Variants in TNN observed in about 807,000 individuals in gnomAD.
The protein encoded by TNN is tenascin N.
Under a neutral mutation model 134.4 loss-of-function variants are expected in TNN, and 122 were observed. That is an observed-to-expected ratio of 0.91 (90% CI 0.78 to 1.06). TNN has a LOEUF of 1.06. Ranked by LOEUF, TNN falls within the 50% of genes least tolerant of loss-of-function variation. TNN has a pLI of 0.00. For missense variants in TNN, 1,739 were observed against 1,699.4 expected, an observed-to-expected ratio of 1.02 and a Z score of -0.41; for synonymous variants, 710 against 670.3, an observed-to-expected ratio of 1.06 and a Z score of -0.91.
At chr1:175,130,838 G>A (rs970172074) in intron 15 of TNN, among the ~76,000 whole-genome samples, 2 of 152,038 alleles carry the variant, frequency 1.3e-5, no homozygotes, top group Non-Finnish European at 2.9e-5. Context: ...CACAGAGATC[G>A]GTTCCAAAAA....
chr1:175,106,798 G>T (rs1236069592), intron 9 of TNN, among the ~76,000 whole-genome samples: 1 of 145,694 alleles, frequency 6.9e-6, no homozygotes, highest in African/African-American at 2.5e-5. Flanking sequence ...CAGCCCAGAA[G>T]TACAGGAAAA....
intron 1 of TNN, among the ~76,000 whole-genome samples, chr1:175,075,292 A>T (rs1030451002): frequency 6.6e-6 from 1 of 151,806 alleles, no homozygotes; most frequent in African/African-American, 2.4e-5. Context: ...ATGCCTTTCA[A>T]CCTAGGCGTT....
At chr1:175,083,424 A>G (rs1162527854) in intron 4 of TNN, among the ~76,000 whole-genome samples, 1 of 152,128 alleles carries the variant, frequency 6.6e-6, no homozygotes, top group Non-Finnish European at 1.5e-5. Context: ...AGAGCTCTGG[A>G]CTGAGTGGTT....
At chr1:175,132,081 T>C (rs890652572) in intron 15 of TNN, among the ~76,000 whole-genome samples, 3 of 152,008 alleles carry the variant, frequency 2.0e-5, no homozygotes, top group Non-Finnish European at 4.4e-5. Flanking sequence ...GGTGGGAACG[T>C]GATTTGACAC....
At chr1:175,136,724 A>T in intron 16 of TNN, 97 bp from the exon 17 acceptor site, 1 of 1,168,254 alleles carries the variant, frequency 8.6e-7, no homozygotes, top group Non-Finnish European at 1.2e-6. Context: ...TAAAGACTAA[A>T]GTGACTTTAG....
intron 4 of TNN, among the ~76,000 whole-genome samples, chr1:175,082,182 G>A (rs1311341701): frequency 1.3e-5 from 2 of 152,134 alleles, no homozygotes; most frequent in African/African-American, 4.8e-5. Context: ...GGCTGCCTCT[G>A]GTACAGCTAG....
intron 15 of TNN, among the ~76,000 whole-genome samples, chr1:175,132,416 C>T (rs1675699349): frequency 6.6e-6 from 1 of 151,964 alleles, no homozygotes; most frequent in African/African-American, 2.4e-5. Context: ...AAATGATTGT[C>T]GTCTAAGTGA....
chr1:175,123,469 C>G lies in TNN; in HGVS notation c.2720C>G (p.Pro907Arg), dbSNP rs549544237. Residue 907 changes from proline (P) to arginine (R), a missense_variant, in exon 12 of 19, where the codon CCG becomes CGG. By Grantham distance (103) the Pro-to-Arg change is moderately radical. Coordinates refer to ENST00000239462, the MANE Select transcript of TNN (RefSeq NM_022093.2). ...AATATGGCCACTGTCTCCTGGGACC[C>G]GGTTCAGGCCACCATTGACAAGTAC... Reference protein sequence around the residue: ...TENMATVSWDPVQATIDKYMV... With the variant: ...TENMATVSWDRVQATIDKYMV... 3 of 1,614,186 alleles carry G rather than the reference C, an allele frequency of 1.9e-6. No homozygotes were observed. Among genetic ancestry groups the G allele is most frequent in the Non-Finnish European group, 2.5e-6 (3 of 1,180,034 alleles).
chr1:175,071,043 C>T (rs779355854), intron 1 of TNN, among the ~76,000 whole-genome samples: 62 of 152,224 alleles, frequency 4.1e-4, no homozygotes, highest in Non-Finnish European at 8.8e-5. Flanking sequence ...GATATCCACC[C>T]TGTCATTTGG....
At position 175,117,184 on chromosome 1, in the gene TNN, G is replaced by A. The variant is rs1432266619; in HGVS notation, c.2365G>A (p.Ala789Thr). The A allele has an allele frequency of 1.9e-6, 3 of 1,614,252 alleles. No individual in the cohort carries two copies. The highest frequency in any genetic ancestry group is 2.5e-6 in the Non-Finnish European group (3 of 1,180,042). ...GAAGGGGGCCCAGGAGAGCAAGAAG[G>A]CTGACACCAAGGCCCAGACAGGTAA... ...AQKGAQESKK[A>T]DTKAQTDIDS... Residue 789 changes from alanine (A) to threonine (T), a missense_variant, in exon 10 of 19, where the codon GCT (alanine) becomes ACT (threonine). Transcript: ENST00000239462.
chr1:175,080,322 G>C lies in TNN; in HGVS notation c.944G>C (p.Ser315Thr). 1.9e-6 allele frequency: 3 copies of C among 1,614,102 alleles called. No individual in the cohort carries two copies. Among genetic ancestry groups the C allele is most frequent in the East Asian group, 2.2e-5 (1 of 44,872 alleles). ...ATCCAAGTGCCCAAGGAGCAGCACA[G>C]CTATGAGATTCTTGGTTTGCTGCCT... ...KQIQVPKEQH[S>T]YEILGLLPGT... The change falls in exon 4 of 19, where the codon AGC becomes ACC. Residue 315 changes from serine (S) to threonine (T), a missense_variant. By Grantham distance (58) the Ser-to-Thr change is moderately conservative. Transcript: ENST00000239462.
intron 11 of TNN, among the ~76,000 whole-genome samples, chr1:175,122,457 GCTAACA>G (rs2101839391): frequency 6.6e-6 from 1 of 151,348 alleles, no homozygotes; most frequent in Non-Finnish European, 1.5e-5. Context: ...TTTGAAGGTT[GCTAACA>G]AAGGACTGAA....
In TNN at chr1:175,098,601, G is replaced by A. The variant is rs1418208262; in HGVS notation, c.2119+6G>A. On this transcript the variant is annotated splice_donor_region_variant and intron_variant, in intron 9 of 18. Coordinates refer to ENST00000239462, the MANE Select transcript of TNN (RefSeq NM_022093.2). ...CGACACCAAGGCCCAGACAGGTAAG[G>A]AGTGTGCATTATTGCTGTGCCGATG... 1.2e-6 allele frequency: 2 copies of A among 1,614,022 alleles called. No individual in the cohort carries two copies. Among genetic ancestry groups the A allele is most frequent in the Non-Finnish European group, 1.7e-6 (2 of 1,179,946 alleles).
At chr1:175,070,765 T>C (rs1673898276) in intron 1 of TNN, among the ~76,000 whole-genome samples, 1 of 152,192 alleles carries the variant, frequency 6.6e-6, no homozygotes, top group African/African-American at 2.4e-5. Flanking sequence ...GAGAAAGAGA[T>C]ACAGAGGTGA....
Position 175,080,292 on chromosome 1 carries a change from A to T in TNN, c.914A>T (p.Lys305Met). 1 of 1,614,120 alleles carries T rather than the reference A, an allele frequency of 6.2e-7. No individual in the cohort carries two copies. Among genetic ancestry groups the T allele is most frequent in the Non-Finnish European group, 8.5e-7 (1 of 1,180,004 alleles). The change falls in exon 4 of 19, where the codon AAG becomes ATG. Residue 305 changes from lysine (K) to methionine (M), a missense_variant. By Grantham distance (95) the Lys-to-Met change is moderately conservative. Coordinates refer to ENST00000239462, the MANE Select transcript of TNN (RefSeq NM_022093.2). ...CCCCTGGGGAAGGAGCTCTCTGGGA[A>T]GCAGATCCAAGTGCCCAAGGAGCAG... is the stretch of plus-strand genomic sequence containing the variant. ...YYPLGKELSG[K>M]QIQVPKEQHS...
chr1:175,109,129 C>G (rs374810183), intron 9 of TNN, among the ~76,000 whole-genome samples: 1 of 115,902 alleles, frequency 8.6e-6, no homozygotes, highest in African/African-American at 3.5e-5. Flanking sequence ...TCGCCCAGGC[C>G]GGACTGCGGA....
rs115942111 is a variant in TNN, at chr1:175,084,301, C to G, written c.1234+366C>G. 2.3e-3 allele frequency among the ~76,000 whole-genome samples: 341 copies of G among 150,098 alleles called. 1 individual carries two copies. The highest frequency in any genetic ancestry group is 7.9e-3 in the African/African-American group (321 of 40,652). ...TTTGGGTGTTGGGGACAGGAGGGAA[C>G]AGAAAGAGAGAGAGAGAGATTGAGA... On this transcript the variant is annotated intron_variant, in intron 5 of 18. Coordinates refer to ENST00000239462, the MANE Select transcript of TNN (RefSeq NM_022093.2).
chr1:175,095,571 T>A (rs1398789296), intron 7 of TNN, among the ~76,000 whole-genome samples: 2 of 152,122 alleles, frequency 1.3e-5, no homozygotes, highest in Admixed American at 6.5e-5. Context: ...TTTTTGTTTG[T>A]TTGTTTGTTT....
rs188403212 is a variant in TNN, at chr1:175,138,060, G to T, written c.3595+1072G>T. ...GCTCTCCAGGCCTGGGGGCTTTAGG[G>T]TGAGTAGGGACTGAGCAGAGGCAAG... On this transcript the variant is annotated intron_variant, in intron 17 of 18. Coordinates refer to ENST00000239462, the MANE Select transcript of TNN (RefSeq NM_022093.2). Among the ~76,000 whole-genome samples, 49 of 152,286 alleles carry T rather than the reference G, an allele frequency of 3.2e-4. No individual in the cohort carries two copies. In the East Asian group the frequency reaches 8.9e-3, roughly 28 times the overall value.
Sources: allele counts gnomAD v4.1 joint callset (sites outside exome capture counted in the v4.1 genomes callset), GRCh38; gene constraint gnomAD v4.1.1; transcripts MANE v1.5; gene names NCBI Gene and HGNC (gene_info 2026-07-23, HGNC 2026-07-21).